Variants in GRIK3 observed in about 807,000 individuals in gnomAD.
GRIK3 encodes the protein glutamate receptor ionotropic, kainate 3.
A neutral mutation model predicts 102.5 loss-of-function variants in GRIK3; 29 were observed. The observed-to-expected ratio is 0.28, with a 90% confidence interval of 0.21 to 0.39. The LOEUF (loss-of-function observed/expected upper bound fraction) is 0.39, where lower values mean the gene tolerates loss of function less well. Ranked by LOEUF, GRIK3 falls within the 10% of genes least tolerant of loss-of-function variation. The probability of loss-of-function intolerance (pLI) is 1.00; values close to 1 mark genes in which losing one functional copy is unlikely to be tolerated. For missense variants in GRIK3, 908 were observed against 1,252.4 expected (o/e 0.73, Z 4.15); for synonymous variants, 511 against 504.9 (o/e 1.01, Z -0.16).
At chr1:36,882,375 A>T (rs1640990523) in intron 2 of GRIK3, among the ~76,000 whole-genome samples, 2 of 152,188 alleles carry the variant, frequency 1.3e-5, no homozygotes, top group East Asian at 3.9e-4. Flanking sequence ...AGAGCATCAA[A>T]TGAGCAGACC....
At chr1:36,854,867 G>A (rs1277865798) in intron 7 of GRIK3, among the ~76,000 whole-genome samples, 2 of 152,144 alleles carry the variant, frequency 1.3e-5, no homozygotes, top group East Asian at 1.9e-4. Context: ...CTTTACAGAC[G>A]AGGAAGCAGA....
In GRIK3 at chr1:36,803,035, C is replaced by T. The variant is rs542125651; in HGVS notation, c.2566-990G>A. Among the ~76,000 whole-genome samples, 22 of 152,144 alleles carry T rather than the reference C, an allele frequency of 1.4e-4. 1 individual carries two copies. The highest frequency in any genetic ancestry group is 3.4e-3 in the Middle Eastern group (1 of 294). ...GGCCATAGCCCACTCAGGGAGCTTG[C>T]GGTCTAACGATGAGATGGAATAGAT... On this transcript the variant is annotated intron_variant, in intron 15 of 15. Transcript: ENST00000373091.
chr1:37,029,958 C>T (rs1457973934), intron 1 of GRIK3, among the ~76,000 whole-genome samples: 2 of 152,222 alleles, frequency 1.3e-5, no homozygotes, highest in Non-Finnish European at 2.9e-5. Flanking sequence ...GGGTGCCTGG[C>T]TCACCTTGCA....
chr1:36,813,509 G>T (rs541248381), intron 13 of GRIK3, among the ~76,000 whole-genome samples: 2 of 152,282 alleles, frequency 1.3e-5, no homozygotes, highest in East Asian at 3.9e-4. Context: ...AGGGCACTGT[G>T]CATGAAGACA....
intron 1 of GRIK3, among the ~76,000 whole-genome samples, chr1:37,017,024 A>AGAGTTTC (rs1642658534): frequency 6.6e-6 from 1 of 151,976 alleles, no homozygotes; most frequent in Admixed American, 6.6e-5. Flanking sequence ...AGACCAACCT[A>AGAGTTTC]GCCAACATGG....
At chr1:36,939,552 G>T (rs1382840874) in intron 1 of GRIK3, among the ~76,000 whole-genome samples, 1 of 152,248 alleles carries the variant, frequency 6.6e-6, no homozygotes, top group Admixed American at 6.5e-5. Flanking sequence ...TGTGAGGCCA[G>T]GGCTGTCATC....
At chr1:36,945,415 G>T (rs1199011624) in intron 1 of GRIK3, among the ~76,000 whole-genome samples, 1 of 152,214 alleles carries the variant, frequency 6.6e-6, no homozygotes, top group Non-Finnish European at 1.5e-5. Flanking sequence ...TGGGCTCTCA[G>T]GCCTCTGGGT....
Position 37,011,563 on chromosome 1 carries a change from C to T in GRIK3, c.115+22431G>A, listed in dbSNP as rs370413664. On this transcript the variant is annotated intron_variant, in intron 1 of 15. Coordinates refer to ENST00000373091, the MANE Select transcript of GRIK3 (RefSeq NM_000831.4). The stretch of plus-strand genomic sequence containing the variant: ...GTCAGGATTCAAAGATAGGCAGTGG[C>T]TTCATCCGAAGCAAGTATGCTCAGC... Among the ~76,000 whole-genome samples, 14 of 152,320 alleles carry T rather than the reference C, an allele frequency of 9.2e-5. No homozygotes were observed. The East Asian group carries it at 1.5e-3, about 17-fold the overall frequency.
chr1:36,961,897 G>A (rs1395043679), intron 1 of GRIK3, among the ~76,000 whole-genome samples: 1 of 152,128 alleles, frequency 6.6e-6, no homozygotes. Context: ...TTGCTCTCGA[G>A]CTCACAGCCT....
intron 2 of GRIK3, among the ~76,000 whole-genome samples, chr1:36,887,299 C>G (rs1285373374): frequency 6.6e-6 from 1 of 152,156 alleles, no homozygotes; most frequent in Non-Finnish European, 1.5e-5. Context: ...TCAAACAACA[C>G]AAAATACATT....
At chr1:36,862,293 T>G (rs1640736924) in intron 5 of GRIK3, among the ~76,000 whole-genome samples, 1 of 152,326 alleles carries the variant, frequency 6.6e-6, no homozygotes, top group African/African-American at 2.4e-5. Context: ...TCAGGATTTC[T>G]GTGTTTTGTC....
chr1:36,835,327 G>A (rs544039350), intron 10 of GRIK3, among the ~76,000 whole-genome samples: 2 of 152,220 alleles, frequency 1.3e-5, no homozygotes, highest in Non-Finnish European at 2.9e-5. Flanking sequence ...TGGTTCCCAT[G>A]GCCACCAAGC....
intron 1 of GRIK3, among the ~76,000 whole-genome samples, chr1:36,915,474 C>A (rs1641389259): frequency 6.6e-6 from 1 of 152,150 alleles, no homozygotes; most frequent in Non-Finnish European, 1.5e-5. Flanking sequence ...AACAGCAAAA[C>A]TCCGGGGTGG....
At chr1:37,033,023 C>T (rs1034302179) in intron 1 of GRIK3, among the ~76,000 whole-genome samples, 17 of 152,274 alleles carry the variant, frequency 1.1e-4, no homozygotes, top group African/African-American at 4.1e-4. Context: ...GCCCAGGTGT[C>T]CGGCCTGGTG....
At chr1:36,966,174 C>T (rs1311748724) in intron 1 of GRIK3, among the ~76,000 whole-genome samples, 2 of 152,222 alleles carry the variant, frequency 1.3e-5, no homozygotes, top group Non-Finnish European at 2.9e-5. Context: ...CACTGATGTG[C>T]ACCTTATCTG....
intron 1 of GRIK3, among the ~76,000 whole-genome samples, chr1:36,899,960 C>T (rs1489393639): frequency 6.6e-6 from 1 of 152,202 alleles, no homozygotes; most frequent in African/African-American, 2.4e-5. Flanking sequence ...TAGGAGACTT[C>T]AACACCCTTT....
intron 1 of GRIK3, among the ~76,000 whole-genome samples, chr1:36,908,935 C>G (rs1641315367): frequency 6.6e-6 from 1 of 152,138 alleles, no homozygotes; most frequent in Non-Finnish European, 1.5e-5. Flanking sequence ...ACAACAACCA[C>G]AGCAGTAATA....
At chr1:36,911,744 T>TG (rs1195082673) in intron 1 of GRIK3, among the ~76,000 whole-genome samples, 1 of 151,940 alleles carries the variant, frequency 6.6e-6, no homozygotes, top group African/African-American at 2.4e-5. Flanking sequence ...TGATGAGGGA[T>TG]GGGCTGTCAT....
intron 2 of GRIK3, among the ~76,000 whole-genome samples, chr1:36,881,320 C>G (rs1295622443): frequency 6.6e-6 from 1 of 152,142 alleles, no homozygotes; most frequent in Admixed American, 6.5e-5. Flanking sequence ...TGTTCCCTAC[C>G]CCGGACCTGT....
Sources: allele counts gnomAD v4.1 joint callset (sites outside exome capture counted in the v4.1 genomes callset), GRCh38; gene constraint gnomAD v4.1.1; transcripts MANE v1.5; gene names NCBI Gene and HGNC (gene_info 2026-07-23, HGNC 2026-07-21).